DIAPH3: variants seen among roughly 807,000 people sequenced by gnomAD.
DIAPH3 encodes the protein protein diaphanous homolog 3.
A neutral mutation model predicts 144.3 loss-of-function variants in DIAPH3; 117 were observed. The observed-to-expected ratio is 0.81, with a 90% CI of 0.70 to 0.95. The LOEUF (loss-of-function observed/expected upper bound fraction) is 0.95. DIAPH3 is among the 40% of genes least tolerant of loss of function. The pLI is 0.00. For synonymous variants in DIAPH3, 519 were observed against 488.9 expected (o/e 1.06, Z -0.81); for missense variants, 1,421 against 1,412.7 (o/e 1.01, Z -0.09).
chr13:59,901,922 C>T (rs1472293320), intron 20 of DIAPH3, among the ~76,000 whole-genome samples: 3 of 152,150 alleles, frequency 2.0e-5, no homozygotes, highest in Non-Finnish European at 4.4e-5. Context: ...CTCTGCCTCC[C>T]CAGTTCATGC....
At chr13:59,883,272 T>C (rs529003856) in intron 20 of DIAPH3, among the ~76,000 whole-genome samples, 142 of 152,294 alleles carry the variant, frequency 9.3e-4, no homozygotes, top group Non-Finnish European at 3.2e-4. Flanking sequence ...TTTTCACATA[T>C]AATTTTATCC....
chr13:59,814,228 C>A (rs950825564), intron 24 of DIAPH3, among the ~76,000 whole-genome samples: 1 of 151,976 alleles, frequency 6.6e-6, no homozygotes, highest in East Asian at 1.9e-4. Flanking sequence ...ATTGCCACAC[C>A]CTTTTAGCAT....
intron 27 of DIAPH3, among the ~76,000 whole-genome samples, chr13:59,688,816 T>C (rs1048810446): frequency 5.9e-5 from 9 of 152,036 alleles, no homozygotes; most frequent in African/African-American, 1.9e-4. Flanking sequence ...TGCTACCAAG[T>C]ACCCATTTAG....
At position 60,108,385 on chromosome 13, in the gene DIAPH3, G is replaced by A. The variant is rs556658122; in HGVS notation, c.390+3625C>T. On this transcript the variant is annotated intron_variant, in intron 3 of 27. Coordinates refer to ENST00000400324, the MANE Select transcript of DIAPH3 (RefSeq NM_001042517.2). ...GCACTTTGGGAGGCTGAAGCGGGTG[G>A]ATCACTTGAGGTCAGGAATTCGAGA... 3.9e-5 allele frequency among the ~76,000 whole-genome samples: 6 copies of A among 152,188 alleles called. No homozygotes were observed. The East Asian group carries it at 5.8e-4, about 15-fold the overall frequency.
chr13:59,957,766 A>T (rs1295666126), intron 17 of DIAPH3, among the ~76,000 whole-genome samples: 1 of 152,240 alleles, frequency 6.6e-6, no homozygotes, highest in African/African-American at 2.4e-5. Flanking sequence ...ATTCAGAAAA[A>T]GCCTAACTTT....
At chr13:59,801,608 T>C (rs1391203975) in intron 25 of DIAPH3, among the ~76,000 whole-genome samples, 1 of 152,224 alleles carries the variant, frequency 6.6e-6, no homozygotes, top group Non-Finnish European at 1.5e-5. Context: ...CAAGAATTGC[T>C]TGCTCTAAAG....
rs979135790 is a variant in DIAPH3 at position 59,855,932 on chromosome 13, A to C, written c.2737+5475T>G. 1.3e-5 allele frequency among the ~76,000 whole-genome samples: 2 copies of C among 152,032 alleles called. 1 individual carries two copies. Among genetic ancestry groups the C allele is most frequent in the Non-Finnish European group, 2.9e-5 (2 of 67,982 alleles). The stretch of plus-strand genomic sequence containing the variant: ...TATATATATGGATATAGTGAGTAAA[A>C]GAAAAAGACAAAACAAAAACTTGGT... On this transcript the variant is annotated intron_variant, in intron 22 of 27. Coordinates refer to ENST00000400324, the MANE Select transcript of DIAPH3 (RefSeq NM_001042517.2).
chr13:59,782,200 C>A (rs2139337280), intron 25 of DIAPH3, among the ~76,000 whole-genome samples: 1 of 151,848 alleles, frequency 6.6e-6, no homozygotes, highest in East Asian at 1.9e-4. Flanking sequence ...TACATAGTGC[C>A]AATATTATAA....
At chr13:59,934,749 T>C (rs953884195) in intron 17 of DIAPH3, among the ~76,000 whole-genome samples, 1 of 152,292 alleles carries the variant, frequency 6.6e-6, no homozygotes, top group Admixed American at 6.5e-5. Flanking sequence ...GGCTTGGCTA[T>C]GAGCAGACCT....
intron 21 of DIAPH3, among the ~76,000 whole-genome samples, chr13:59,875,565 T>C (rs1050026618): frequency 1.3e-5 from 2 of 152,100 alleles, no homozygotes; most frequent in African/African-American, 2.4e-5. Flanking sequence ...TCATTTGTTG[T>C]TTATAACACT....
intron 9 of DIAPH3, among the ~76,000 whole-genome samples, chr13:59,995,149 C>G (rs2052112574): frequency 1.3e-5 from 2 of 151,742 alleles, no homozygotes; most frequent in South Asian, 4.1e-4. Flanking sequence ...ATAAATCCTA[C>G]TTTCAAAATT....
chr13:60,150,336 TA>T lies in DIAPH3; in HGVS notation c.180+13250del, dbSNP rs1389346295. Among the ~76,000 whole-genome samples, 7 of 151,774 alleles carry T rather than the reference TA, an allele frequency of 4.6e-5. No homozygotes were observed. The South Asian group carries it at 1.5e-3, about 32-fold the overall frequency. On this transcript the variant is annotated intron_variant, in intron 1 of 27. Coordinates refer to ENST00000400324, the MANE Select transcript of DIAPH3 (RefSeq NM_001042517.2). Reference sequence around the variant, plus strand: ...CACCGCGCCTGGCCGCTTTTTCAATTAAAAAAAACTATTTGGGACAAAAAAG... The same window carrying T: ...CACCGCGCCTGGCCGCTTTTTCAATTAAAAAAACTATTTGGGACAAAAAAG...
At chr13:59,803,088 G>A (rs1002498605) in intron 25 of DIAPH3, among the ~76,000 whole-genome samples, 4 of 152,146 alleles carry the variant, frequency 2.6e-5, no homozygotes, top group Non-Finnish European at 4.4e-5. Flanking sequence ...GACAGCTAAG[G>A]AGTATTGAAT....
chr13:59,914,781 C>A (rs949328913), intron 19 of DIAPH3, among the ~76,000 whole-genome samples: 1 of 152,012 alleles, frequency 6.6e-6, no homozygotes, highest in Admixed American at 6.6e-5. Context: ...CTAGAGCCTA[C>A]GAAAAGAAAC....
At chr13:60,056,854 G>T (rs1054112046) in intron 4 of DIAPH3, among the ~76,000 whole-genome samples, 4 of 151,890 alleles carry the variant, frequency 2.6e-5, no homozygotes, top group African/African-American at 7.2e-5. Flanking sequence ...ACAACAATGT[G>T]CTGGAACTAG....
chr13:59,977,668 A>G (rs1463521261), intron 14 of DIAPH3, among the ~76,000 whole-genome samples: 1 of 151,796 alleles, frequency 6.6e-6, no homozygotes, highest in African/African-American at 2.4e-5. Flanking sequence ...GAGGGTAATG[A>G]CAAAGAAATG....
chr13:60,045,467 T>C (rs893562136), intron 4 of DIAPH3, among the ~76,000 whole-genome samples: 5 of 152,242 alleles, frequency 3.3e-5, no homozygotes, highest in Non-Finnish European at 7.3e-5. Context: ...TATTGTTCTA[T>C]AGGCTATTAT....
chr13:59,728,044 C>A (rs1487289921), intron 27 of DIAPH3, among the ~76,000 whole-genome samples: 2 of 145,774 alleles, frequency 1.4e-5, no homozygotes, highest in East Asian at 4.1e-4. Flanking sequence ...AAAGTCCTTA[C>A]TAGACCAGTC....
At chr13:59,748,422 A>G (rs1008847439) in intron 27 of DIAPH3, among the ~76,000 whole-genome samples, 1 of 152,242 alleles carries the variant, frequency 6.6e-6, no homozygotes, top group African/African-American at 2.4e-5. Flanking sequence ...GTGCAGCCTC[A>G]TTGTAAAGAC....
Sources: gnomAD v4.1 joint callset for allele counts (sites outside exome capture counted in the v4.1 genomes callset) on GRCh38, gnomAD v4.1.1 for gene constraint, MANE v1.5 for transcripts, NCBI Gene and HGNC (gene_info 2026-07-23, HGNC 2026-07-21) for gene names.